Variants in PTPN13 observed in about 807,000 individuals in gnomAD.
PTPN13 encodes the protein tyrosine-protein phosphatase non-receptor type 13.
Under a neutral mutation model 284.0 loss-of-function variants are expected in PTPN13, and 191 were observed. The observed-to-expected ratio is 0.67, with a 90% CI of 0.60 to 0.76. PTPN13 has a LOEUF of 0.76. PTPN13 is among the 30% of genes least tolerant of loss of function. The pLI is 0.00. For synonymous variants in PTPN13, 986 were observed against 1,022.3 expected (o/e 0.96, Z 0.68); for missense variants, 2,797 against 2,939.9 (o/e 0.95, Z 1.12).
intron 40 of PTPN13, among the ~76,000 whole-genome samples, chr4:86,791,180 C>T (rs1742611511): frequency 6.6e-6 from 1 of 152,198 alleles, no homozygotes; most frequent in Non-Finnish European, 1.5e-5. Flanking sequence ...ACCAGCAGAC[C>T]AGGAGATACT....
intron 37 of PTPN13, among the ~76,000 whole-genome samples, chr4:86,783,383 A>G (rs1401799017): frequency 6.6e-6 from 1 of 152,120 alleles, no homozygotes; most frequent in Non-Finnish European, 1.5e-5. Context: ...ATTTCTAGTA[A>G]TATTCACACT....
intron 6 of PTPN13, among the ~76,000 whole-genome samples, chr4:86,699,147 G>A (rs1211452367): frequency 6.6e-6 from 1 of 152,068 alleles, no homozygotes; most frequent in Non-Finnish European, 1.5e-5. Flanking sequence ...CAGCACTTTG[G>A]GAGGCTGAGG....
In PTPN13 at chr4:86,655,231, G is replaced by T. The variant is rs192872023; in HGVS notation, c.116-17134G>T. On this transcript the variant is annotated intron_variant, in intron 2 of 47. Transcript: ENST00000411767. ...CTGTGTCTTTTAATTTGAGTATTTAGCCCATTTACATTTAAGGTTAATATT... is the reference window on the plus strand; with the variant it reads ...CTGTGTCTTTTAATTTGAGTATTTATCCCATTTACATTTAAGGTTAATATT... Among the ~76,000 whole-genome samples, 510 of 152,158 alleles carry T rather than the reference G, an allele frequency of 3.4e-3. 1 individual carries two copies. Among genetic ancestry groups the T allele is most frequent in the African/African-American group, 0.012 (493 of 41,486 alleles).
intron 15 of PTPN13, among the ~76,000 whole-genome samples, chr4:86,741,191 A>G (rs958826372): frequency 6.6e-6 from 1 of 152,194 alleles, no homozygotes; most frequent in African/African-American, 2.4e-5. Context: ...GTATCTTTTC[A>G]GCCATGCCCA....
chr4:86,707,765 A>G (rs1315836202), intron 7 of PTPN13, among the ~76,000 whole-genome samples: 2 of 152,136 alleles, frequency 1.3e-5, no homozygotes, highest in Non-Finnish European at 2.9e-5. Context: ...AATAATTTTA[A>G]TATTAAATTT....
rs986323729 is a variant in PTPN13 at position 86,734,324 on chromosome 4, A to G, written c.1880A>G (p.Asp627Gly). The G allele has an allele frequency of 2.0e-6, 3 of 1,527,526 alleles. No individual in the cohort carries two copies. The highest frequency in any genetic ancestry group is 2.6e-6 in the Non-Finnish European group (3 of 1,132,364). The allele number at this position is 1,527,526 out of a possible 1,614,324, so 94.6% of individuals were successfully genotyped here. ...TTAGATAATGAATATTTCTTTGTTG[A>G]TCCTGACTTAAAATTAACCAAAGTG... is the stretch of plus-strand genomic sequence containing the variant. ...TLKDNEYFFVDPDLKLTKVAP... is the reference protein window; with the variant it reads ...TLKDNEYFFVGPDLKLTKVAP... The change falls in exon 13 of 48, where the codon GAT becomes GGT. Residue 627 changes from aspartate to glycine, a missense_variant. Coordinates refer to ENST00000411767, the MANE Select transcript of PTPN13 (RefSeq NM_080683.3).
Position 86,784,494 on chromosome 4 carries a change from G to T in PTPN13, c.6054G>T (p.Ser2018=), listed in dbSNP as rs372940883. The T allele has an allele frequency of 1.2e-6, 2 of 1,605,450 alleles. No homozygotes were observed. ...CTGGGGAAGAAATAAATGAAATATC[G>T]TACCCCAAAGGAAAATGTTCTACTT... The part of the protein sequence containing the change: ...TVAGEEINEI[S]YPKGKCSTYQ... Residue 2018 remains serine (S), a synonymous_variant, in exon 38 of 48, where the codon TCG becomes TCT. Transcript: ENST00000411767.
chr4:86,717,543 C>T (rs774388460), intron 9 of PTPN13, among the ~76,000 whole-genome samples: 3 of 151,894 alleles, frequency 2.0e-5, no homozygotes, highest in Non-Finnish European at 2.9e-5. Flanking sequence ...TCTTCCTTTC[C>T]CCTAGCTCTC....
At chr4:86,775,925 T>C (rs1565550530) in intron 35 of PTPN13, among the ~76,000 whole-genome samples, 1 of 152,112 alleles carries the variant, frequency 6.6e-6, no homozygotes, top group Non-Finnish European at 1.5e-5. Flanking sequence ...AGGGAATTTA[T>C]TGGGAGTTTT....
intron 1 of PTPN13, among the ~76,000 whole-genome samples, chr4:86,616,683 G>C (rs935478353): frequency 6.6e-6 from 1 of 152,066 alleles, no homozygotes; most frequent in African/African-American, 2.4e-5. Context: ...TCTCTCCCTT[G>C]CTCCTGCTTT....
intron 1 of PTPN13, among the ~76,000 whole-genome samples, chr4:86,618,244 T>C (rs1377171053): frequency 3.3e-5 from 5 of 152,190 alleles, no homozygotes; most frequent in Non-Finnish European, 5.9e-5. Flanking sequence ...TGTAGATATG[T>C]GGCATTATTT....
chr4:86,771,868 A>G (rs1740039141), intron 31 of PTPN13, among the ~76,000 whole-genome samples: 1 of 152,212 alleles, frequency 6.6e-6, no homozygotes, highest in Non-Finnish European at 1.5e-5. Flanking sequence ...GAGACTAGGG[A>G]CCAGAAATAT....
Position 86,769,875 on chromosome 4 carries a change from G to C in PTPN13, c.4596G>C (p.Arg1532Ser). The change falls in exon 29 of 48, where the codon AGG becomes AGC. Residue 1532 changes from arginine (R) to serine (S), a missense_variant. Physicochemically the swap from Arg to Ser is moderately radical, Grantham distance 110. Coordinates refer to ENST00000411767, the MANE Select transcript of PTPN13 (RefSeq NM_080683.3). Reference protein sequence around the residue: ...IPEQINASIVRVKKLFPGQPA... With the variant: ...IPEQINASIVSVKKLFPGQPA... ...AGCAAATTAATGCCAGCATAGTAAG[G>C]GTTAAAAAGCTCTTTCCTGGACAGC... 6.2e-7 allele frequency: 1 copy of C among 1,613,866 alleles called. No homozygotes were observed. Among genetic ancestry groups the C allele is most frequent in the Non-Finnish European group, 8.5e-7 (1 of 1,179,838 alleles).
chr4:86,747,864 A>G (rs1295440333), intron 17 of PTPN13, among the ~76,000 whole-genome samples: 4 of 152,200 alleles, frequency 2.6e-5, no homozygotes, highest in Non-Finnish European at 5.9e-5. Context: ...TTAATGGGCT[A>G]ACAAATGTAT....
At chr4:86,661,204 C>A in intron 2 of PTPN13, 1 of 378,604 alleles carries the variant, frequency 2.6e-6, no homozygotes, top group Admixed American at 3.5e-5. Context: ...ATAATATTTG[C>A]CTGGTTTTGG....
intron 43 of PTPN13, 26 bp from the exon 44 acceptor site, chr4:86,805,253 A>C (rs1744524987): frequency 6.8e-7 from 1 of 1,474,426 alleles, no homozygotes; most frequent in African/African-American, 1.4e-5. Flanking sequence ...TATCTCAACA[A>C]ATTTATTTCC....
intron 1 of PTPN13, among the ~76,000 whole-genome samples, chr4:86,631,306 C>A (rs1578290489): frequency 2.0e-5 from 3 of 152,168 alleles, no homozygotes; most frequent in East Asian, 3.9e-4. Flanking sequence ...CATTCCTCTT[C>A]AGCTTCTGCA....
At chr4:86,646,029 A>G (rs1464413395) in intron 2 of PTPN13, among the ~76,000 whole-genome samples, 1 of 152,200 alleles carries the variant, frequency 6.6e-6, no homozygotes, top group Non-Finnish European at 1.5e-5. Flanking sequence ...TTGATTTTCA[A>G]GAAAGAAAGA....
At chr4:86,766,372 C>T (rs1739310850) in intron 26 of PTPN13, 60 bp from the exon 27 acceptor site, 1 of 1,321,866 alleles carries the variant, frequency 7.6e-7, no homozygotes, top group Non-Finnish European at 1.1e-6. Context: ...GAAATAAGAC[C>T]ATAAGATTTA....
Sources: gnomAD v4.1 joint callset for allele counts (sites outside exome capture counted in the v4.1 genomes callset) on GRCh38, gnomAD v4.1.1 for gene constraint, MANE v1.5 for transcripts, NCBI Gene and HGNC (gene_info 2026-07-23, HGNC 2026-07-21) for gene names.